Variants in CEP85L observed in about 807,000 individuals in gnomAD.
The protein encoded by CEP85L is centrosomal protein of 85 kDa-like.
CEP85L carries 60 observed loss-of-function variants against 100.3 expected under a neutral mutation model. The observed-to-expected ratio is 0.60, with a 90% CI of 0.49 to 0.74. The LOEUF (loss-of-function observed/expected upper bound fraction) is 0.74. CEP85L is among the 30% of genes least tolerant of loss of function. CEP85L has a pLI of 0.00. For missense variants in CEP85L, 973 were observed against 936.2 expected (o/e 1.04, Z -0.51); for synonymous variants, 319 against 322.7 (o/e 0.99, Z 0.12).
chr6:118,478,563 C>T (rs1773556760), intron 10 of CEP85L, among the ~76,000 whole-genome samples: 1 of 151,990 alleles, frequency 6.6e-6, no homozygotes, highest in Non-Finnish European at 1.5e-5. Flanking sequence ...AAAAAGATAG[C>T]CATTGTTTCA....
intron 6 of CEP85L, chr6:118,491,355 C>T: frequency 2.1e-6 from 1 of 484,328 alleles, no homozygotes; most frequent in Non-Finnish European, 2.9e-6. Flanking sequence ...AGGCCAGCTT[C>T]ATTTACCAAC....
intron 10 of CEP85L, among the ~76,000 whole-genome samples, chr6:118,474,524 A>G (rs1197067858): frequency 6.6e-6 from 1 of 152,184 alleles, no homozygotes; most frequent in East Asian, 1.9e-4. Context: ...GCTTACATTG[A>G]GTGCAGAAAT....
intron 3 of CEP85L, among the ~76,000 whole-genome samples, chr6:118,536,160 T>C (rs1240639806): frequency 6.6e-6 from 1 of 152,108 alleles, no homozygotes; most frequent in African/African-American, 2.4e-5. Flanking sequence ...GAATACTATA[T>C]AGCAATAAAA....
In CEP85L at chr6:118,613,757, C is replaced by CAAA. The variant is rs370753175; in HGVS notation, c.232+18693_232+18695dup. Among the ~76,000 whole-genome samples the CAAA allele has an allele frequency of 6.8e-5, 7 of 102,618 alleles. 1 individual carries two copies. The highest frequency in any genetic ancestry group is 5.6e-4 in the East Asian group (2 of 3,568). 67.3% of individuals were successfully genotyped at this position (102,618 alleles called of 152,430 possible). Reference sequence around the variant, plus strand: ...GGGCAACAAGAGCAAATCTGTGTCTCAAAAAAAAAAAAAAAATTCTGGGCC... The same window carrying CAAA: ...GGGCAACAAGAGCAAATCTGTGTCTCAAAAAAAAAAAAAAAAAAATTCTGGGCC... On this transcript the variant is annotated intron_variant, in intron 2 of 12. Transcript: ENST00000368491.
At chr6:118,502,603 G>T in intron 5 of CEP85L, 1 of 479,584 alleles carries the variant, frequency 2.1e-6, no homozygotes. Context: ...TTTGACTCTT[G>T]AAGAAGCTGA....
chr6:118,506,326 G>A (rs1775654830), intron 5 of CEP85L, among the ~76,000 whole-genome samples: 1 of 152,126 alleles, frequency 6.6e-6, no homozygotes, highest in Admixed American at 6.5e-5. Context: ...TTAATTAGAG[G>A]TCTGGTGAGT....
At chr6:118,676,210 A>C (rs978586630) in intron 1 of CEP85L, among the ~76,000 whole-genome samples, 1 of 152,196 alleles carries the variant, frequency 6.6e-6, no homozygotes, top group Admixed American at 6.5e-5. Context: ...TAAAGCCATC[A>C]CCTCACCTAC....
intron 4 of CEP85L, among the ~76,000 whole-genome samples, chr6:118,522,458 AAAC>A (rs777156875): frequency 1.8e-4 from 28 of 152,242 alleles, no homozygotes; most frequent in African/African-American, 2.9e-4. Context: ...CTTGTACCAG[AAAC>A]AACTAATATT....
intron 3 of CEP85L, among the ~76,000 whole-genome samples, chr6:118,557,472 G>A (rs1778944828): frequency 6.6e-6 from 1 of 152,152 alleles, no homozygotes; most frequent in Admixed American, 6.5e-5. Flanking sequence ...AAGTATGTGT[G>A]GGGCTTGCAT....
chr6:118,695,544 T>C (rs1043153711), intron 1 of CEP85L, among the ~76,000 whole-genome samples: 2 of 152,224 alleles, frequency 1.3e-5, no homozygotes, highest in East Asian at 1.9e-4. Flanking sequence ...ACTAGATTAT[T>C]TGCATTTCTC....
At chr6:118,664,064 T>A (rs532563756) in intron 1 of CEP85L, among the ~76,000 whole-genome samples, 2 of 152,000 alleles carry the variant, frequency 1.3e-5, no homozygotes, top group Admixed American at 1.3e-4. Flanking sequence ...CCTGCCTAAT[T>A]TTTGCATTTT....
chr6:118,569,480 A>G (rs1263172679), intron 2 of CEP85L, among the ~76,000 whole-genome samples: 1 of 150,926 alleles, frequency 6.6e-6, no homozygotes, highest in Non-Finnish European at 1.5e-5. Flanking sequence ...TATTCAAAAA[A>G]ATAAATAAAT....
chr6:118,469,587 T>C (rs1458074883), intron 11 of CEP85L, among the ~76,000 whole-genome samples: 1 of 152,114 alleles, frequency 6.6e-6, no homozygotes, highest in Non-Finnish European at 1.5e-5. Flanking sequence ...TCTCACGTAA[T>C]AAGCATGTTG....
chr6:118,472,150 G>T (rs1181978545), intron 10 of CEP85L, among the ~76,000 whole-genome samples: 1 of 151,214 alleles, frequency 6.6e-6, no homozygotes, highest in Non-Finnish European at 1.5e-5. Flanking sequence ...TCCTTTAAAA[G>T]ATAAGAGTTT....
intron 2 of CEP85L, among the ~76,000 whole-genome samples, chr6:118,567,195 ATGAATATATATGTATGTGTGTGTGTGTG>A (rs1318877973): frequency 7.2e-6 from 1 of 138,134 alleles, no homozygotes; most frequent in Non-Finnish European, 1.5e-5. Context: ...ACATATATGT[ATGAATATATATGTATGTGTGTGTGTGTG>A]TGTGTGTGTG....
chr6:118,607,046 G>C (rs1049804009), intron 2 of CEP85L, among the ~76,000 whole-genome samples: 1 of 152,102 alleles, frequency 6.6e-6, no homozygotes, highest in African/African-American at 2.4e-5. Flanking sequence ...ATAGCCATGG[G>C]GGCCAAGCTG....
rs751683602 is a variant in CEP85L at position 118,517,645 on chromosome 6, G to A, written c.1139+6157C>T. ...GCTCAAGGAGATTTTGGGCTGAGAC[G>A]ACGCAGGTTTCTAAATATACAATCA... On this transcript the variant is annotated intron_variant, in intron 4 of 12. Transcript: ENST00000368491. 4.6e-5 allele frequency among the ~76,000 whole-genome samples: 7 copies of A among 152,160 alleles called. No individual in the cohort carries two copies. The South Asian group carries it at 8.3e-4, about 18-fold the overall frequency.
chr6:118,473,449 A>G (rs780889533), intron 10 of CEP85L, among the ~76,000 whole-genome samples: 18 of 152,266 alleles, frequency 1.2e-4, no homozygotes, highest in Non-Finnish European at 2.4e-4. Context: ...GAGAAAAAGC[A>G]AGAGAGCCAG....
At chr6:118,556,787 A>G (rs923137064) in intron 3 of CEP85L, among the ~76,000 whole-genome samples, 3 of 152,114 alleles carry the variant, frequency 2.0e-5, no homozygotes, top group Non-Finnish European at 4.4e-5. Flanking sequence ...CATTTTTCTT[A>G]TTTCAAAATT....
Sources: allele counts gnomAD v4.1 joint callset (sites outside exome capture counted in the v4.1 genomes callset), GRCh38; gene constraint gnomAD v4.1.1; transcripts MANE v1.5; gene names NCBI Gene and HGNC (gene_info 2026-07-23, HGNC 2026-07-21).